Variants in SLC6A11 observed in about 807,000 individuals in gnomAD.
SLC6A11 encodes sodium- and chloride-dependent GABA transporter 3.
A neutral mutation model predicts 74.8 loss-of-function variants in SLC6A11; 25 were observed. The ratio of observed to expected loss-of-function variants is 0.33; its 90% CI spans 0.24 to 0.47. SLC6A11 has a LOEUF of 0.47. Ranked by LOEUF, SLC6A11 falls within the 20% of genes least tolerant of loss-of-function variation. The probability of loss-of-function intolerance (pLI) is 1.00; values close to 1 mark genes in which losing one functional copy is unlikely to be tolerated. For missense variants in SLC6A11, 574 were observed against 837.0 expected, an observed-to-expected ratio of 0.69 and a Z score of 3.88; for synonymous variants, 330 against 330.2, an observed-to-expected ratio of 1.00 and a Z score of 0.01.
chr3:10,929,259 C>T lies in SLC6A11; in HGVS notation c.1291C>T (p.Arg431Trp), dbSNP rs979049585. Residue 431 changes from arginine (R) to tryptophan (W), a missense_variant, in exon 10 of 14, where the codon CGG becomes TGG. This residue lies in a region of SLC6A11 where 257 missense variants were observed against 341.5 expected (regional missense o/e 0.75). Transcript: ENST00000254488. ...AVVDMYPKVFRRGYRRELLIL... is the reference protein window; with the variant it reads ...AVVDMYPKVFWRGYRRELLIL... Reference sequence around the variant, plus strand: ...GGTGGACATGTACCCCAAGGTTTTCCGGAGGGGTTACCGGCGGGAGCTGCT... The same window carrying T: ...GGTGGACATGTACCCCAAGGTTTTCTGGAGGGGTTACCGGCGGGAGCTGCT... The T allele has an allele frequency of 5.0e-6, 8 of 1,614,008 alleles. No individual in the cohort carries two copies. Among genetic ancestry groups the T allele is most frequent in the Admixed American group, 1.7e-5 (1 of 59,996 alleles).
At chr3:10,929,157 G>C in intron 9 of SLC6A11, 45 bp from the exon 10 acceptor site, 2 of 1,603,838 alleles carry the variant, frequency 1.2e-6, no homozygotes, top group Non-Finnish European at 1.7e-6. Flanking sequence ...GCCACCAGGA[G>C]CAGCCTTGTC....
rs185807611 is a variant in SLC6A11, at chr3:10,881,372, C to T, written c.891+6277C>T. ...TGGAGGTTGCAGGGAGCCAAGATAA[C>T]GCCACTACACTCCAGCCTGAGGGAC... On this transcript the variant is annotated intron_variant, in intron 6 of 13. Transcript: ENST00000254488. Among the ~76,000 whole-genome samples, 150 of 152,288 alleles carry T rather than the reference C, an allele frequency of 9.8e-4. 1 individual carries two copies. The highest frequency in any genetic ancestry group is 2.2e-3 in the Admixed American group (33 of 15,300).
At chr3:10,912,417 C>T (rs1358411271) in intron 7 of SLC6A11, among the ~76,000 whole-genome samples, 1 of 152,204 alleles carries the variant, frequency 6.6e-6, no homozygotes, top group African/African-American at 2.4e-5. Context: ...AGCCAATCCC[C>T]CACCACTACC....
Position 10,938,506 on chromosome 3 carries a change from T to C in SLC6A11, c.*104T>C. The C allele has an allele frequency of 8.0e-7, 1 of 1,246,760 alleles. No individual in the cohort carries two copies. Among genetic ancestry groups the C allele is most frequent in the South Asian group, 1.6e-5 (1 of 64,328 alleles). The allele number at this position is 1,246,760 out of a possible 1,614,324, so 77.2% of individuals were successfully genotyped here. ...CCTAATGGTAGGGGCTTGCTTGTTTTGCACAGGATTAATTAACAAGTTAAT... is the reference window on the plus strand; with the variant it reads ...CCTAATGGTAGGGGCTTGCTTGTTTCGCACAGGATTAATTAACAAGTTAAT... On this transcript the variant is annotated 3_prime_UTR_variant, in exon 14 of 14. Transcript: ENST00000254488.
In SLC6A11 at chr3:10,844,096, G is replaced by A. The variant is rs114618283; in HGVS notation, c.624-118G>A. Reference sequence around the variant, plus strand: ...AAGTCCTCCCCAGAGGAGACATTTGGCCCACGGTGGACGTGGGTGAATGAG... The same window carrying A: ...AAGTCCTCCCCAGAGGAGACATTTGACCCACGGTGGACGTGGGTGAATGAG... On this transcript the variant is annotated intron_variant, in intron 4 of 13. Coordinates refer to ENST00000254488, the MANE Select transcript of SLC6A11 (RefSeq NM_014229.3). The A allele has an allele frequency of 4.0e-5, 49 of 1,223,110 alleles. No individual in the cohort carries two copies. The African/African-American group carries it at 7.1e-4, about 18-fold the overall frequency. 75.8% of individuals were successfully genotyped at this position (1,223,110 alleles called of 1,614,324 possible). A position where few individuals can be genotyped will look rare whatever the true frequency, so the allele number is the denominator to read the frequency against.
chr3:10,920,408 T>C (rs1486177631), intron 8 of SLC6A11, among the ~76,000 whole-genome samples: 1 of 152,218 alleles, frequency 6.6e-6, no homozygotes, highest in African/African-American at 2.4e-5. Flanking sequence ...TGGATCATAT[T>C]ATCCTTGGCA....
chr3:10,936,997 C>G (rs941880570), intron 13 of SLC6A11, among the ~76,000 whole-genome samples: 4 of 152,144 alleles, frequency 2.6e-5, no homozygotes, highest in African/African-American at 9.7e-5. Flanking sequence ...TACCGAGAGT[C>G]CTTGTGCCAG....
chr3:10,861,004 A>G (rs1694696985), intron 5 of SLC6A11, among the ~76,000 whole-genome samples: 1 of 152,208 alleles, frequency 6.6e-6, no homozygotes, highest in Non-Finnish European at 1.5e-5. Context: ...TCCTAAACCC[A>G]TAGGAATAGG....
chr3:10,883,447 G>T (rs893352640), intron 6 of SLC6A11, among the ~76,000 whole-genome samples: 1 of 152,132 alleles, frequency 6.6e-6, no homozygotes, highest in Non-Finnish European at 1.5e-5. Flanking sequence ...GATCCAAATG[G>T]TGGGGTCTGC....
intron 4 of SLC6A11, among the ~76,000 whole-genome samples, chr3:10,832,915 C>G (rs1694316296): frequency 6.6e-6 from 1 of 152,140 alleles, no homozygotes; most frequent in Non-Finnish European, 1.5e-5. Flanking sequence ...ATTTGGGTTT[C>G]CAAGCTGCTG....
rs1575702653 is a variant in SLC6A11, at chr3:10,918,179, A to G, written c.996-150A>G. Reference sequence around the variant, plus strand: ...GCCAGCCACCTAACCTCTCTGAACCATGAGTGCTCCATCAGAAAAACAGAG... The same window carrying G: ...GCCAGCCACCTAACCTCTCTGAACCGTGAGTGCTCCATCAGAAAAACAGAG... On this transcript the variant is annotated intron_variant, in intron 7 of 13. Transcript: ENST00000254488. The surrounding 1 kb of genome is among the most constrained non-coding windows in gnomAD (Gnocchi z 4.5). 2 of 788,520 alleles carry G rather than the reference A, an allele frequency of 2.5e-6. No homozygotes were observed. Among genetic ancestry groups the G allele is most frequent in the East Asian group, 3.2e-5 (1 of 31,204 alleles). 48.8% of individuals were successfully genotyped at this position (788,520 alleles called of 1,614,324 possible). A position where few individuals can be genotyped will look rare whatever the true frequency, so the allele number is the denominator to read the frequency against.
At chr3:10,875,442 A>G (rs1694896236) in intron 6 of SLC6A11, among the ~76,000 whole-genome samples, 2 of 152,256 alleles carry the variant, frequency 1.3e-5, no homozygotes, top group African/African-American at 4.8e-5. Context: ...ACACCATGAT[A>G]TGAAAATATC....
intron 6 of SLC6A11, among the ~76,000 whole-genome samples, chr3:10,889,862 T>C (rs2106614708): frequency 6.6e-6 from 1 of 152,106 alleles, no homozygotes; most frequent in African/African-American, 2.4e-5. Flanking sequence ...TCCTGGGTGT[T>C]GGGGCCACCC....
intron 5 of SLC6A11, among the ~76,000 whole-genome samples, chr3:10,870,068 C>T (rs73037914): frequency 6.6e-6 from 1 of 152,258 alleles, no homozygotes; most frequent in Non-Finnish European, 1.5e-5. Context: ...CCACATCTTC[C>T]CTGCCTGATC....
At chr3:10,907,384 A>T (rs574276943) in intron 6 of SLC6A11, among the ~76,000 whole-genome samples, 1 of 152,304 alleles carries the variant, frequency 6.6e-6, no homozygotes, top group Admixed American at 6.5e-5. Flanking sequence ...ATGAAAGAAA[A>T]AGTGATAGGT....
chr3:10,914,298 C>A (rs1055972255), intron 7 of SLC6A11, among the ~76,000 whole-genome samples: 1 of 152,156 alleles, frequency 6.6e-6, no homozygotes, highest in African/African-American at 2.4e-5. Context: ...CTGGCCTCCC[C>A]ACTACATCCT....
intron 11 of SLC6A11, among the ~76,000 whole-genome samples, chr3:10,933,770 CCT>C (rs1369954581): frequency 6.6e-6 from 1 of 152,200 alleles, no homozygotes; most frequent in East Asian, 1.9e-4. Context: ...CATCCCCACC[CCT>C]GATTGCCTTG....
chr3:10,913,679 A>AG (rs1695416346), intron 7 of SLC6A11, among the ~76,000 whole-genome samples: 1 of 152,168 alleles, frequency 6.6e-6, no homozygotes, highest in Non-Finnish European at 1.5e-5. Flanking sequence ...CAGTAAAAAA[A>AG]CAAGCAACAC....
rs544781036 is a variant in SLC6A11, at chr3:10,820,769, G to T, written c.532+917G>T. On this transcript the variant is annotated intron_variant, in intron 3 of 13. Transcript: ENST00000254488. ...GTAGCACTCTTTCCTTCTCAGTCTA[G>T]TCTTGGCCTTAGAACCCTTCTCCAA... Among the ~76,000 whole-genome samples the T allele has an allele frequency of 2.0e-5, 3 of 152,290 alleles. No homozygotes were observed. The South Asian group carries it at 6.2e-4, about 32-fold the overall frequency.
Sources: allele counts gnomAD v4.1 joint callset (sites outside exome capture counted in the v4.1 genomes callset), GRCh38; gene constraint gnomAD v4.1.1; regional missense constraint gnomAD v4.1.1; non-coding constraint Gnocchi (gnomAD v3.1); transcripts MANE v1.5; gene names NCBI Gene and HGNC (gene_info 2026-07-23, HGNC 2026-07-21).